The following DLG2 variants were observed in gnomAD, a reference collection of about 807,000 sequenced individuals.
The protein encoded by DLG2 is disks large homolog 2.
In DLG2, 45 loss-of-function variants were observed where a neutral mutation model predicts 132.5. The observed-to-expected ratio is 0.34, with a 90% CI of 0.27 to 0.44. The LOEUF is 0.44. Among genes scored for constraint, DLG2 ranks in the 20% least tolerant of loss-of-function variants. The probability of loss-of-function intolerance (pLI) is 1.00; values close to 1 mark genes in which losing one functional copy is unlikely to be tolerated. For missense variants in DLG2, 1,045 were observed against 1,196.9 expected (o/e 0.87, Z 1.87); for synonymous variants, 424 against 419.6 (o/e 1.01, Z -0.13).
At chr11:85,110,083 G>A (rs1026892777) in intron 6 of DLG2, among the ~76,000 whole-genome samples, 3 of 152,036 alleles carry the variant, frequency 2.0e-5, no homozygotes, top group Non-Finnish European at 4.4e-5. Flanking sequence ...GGAGCACATT[G>A]TCTCCATGGA....
At chr11:84,635,220 C>A (rs1287539587) in intron 6 of DLG2, among the ~76,000 whole-genome samples, 1 of 152,214 alleles carries the variant, frequency 6.6e-6, no homozygotes, top group Non-Finnish European at 1.5e-5. Context: ...ATGTGACCAG[C>A]TCCACTGGGC....
At chr11:84,158,499 G>A (rs2095479151) in intron 9 of DLG2, among the ~76,000 whole-genome samples, 1 of 152,170 alleles carries the variant, frequency 6.6e-6, no homozygotes. Context: ...AATATCTGTT[G>A]GACATAGGGC....
chr11:84,364,567 G>A (rs1037116395), intron 7 of DLG2, among the ~76,000 whole-genome samples: 1 of 152,152 alleles, frequency 6.6e-6, no homozygotes, highest in Admixed American at 6.5e-5. Context: ...AGTGGTGAGA[G>A]AGGACATCCC....
intron 4 of DLG2, among the ~76,000 whole-genome samples, chr11:85,229,890 A>G (rs1468784818): frequency 1.3e-5 from 2 of 152,110 alleles, no homozygotes; most frequent in African/African-American, 4.8e-5. Context: ...ACACAGGAAC[A>G]GAAAACCAAA....
chr11:84,718,737 A>G (rs1026049973), intron 6 of DLG2, among the ~76,000 whole-genome samples: 12 of 152,208 alleles, frequency 7.9e-5, no homozygotes, highest in African/African-American at 2.9e-4. Flanking sequence ...AGGAGAGTGA[A>G]TAAAAGCATG....
At chr11:85,412,815 A>G (rs1267422570) in intron 3 of DLG2, among the ~76,000 whole-genome samples, 1 of 148,946 alleles carries the variant, frequency 6.7e-6, no homozygotes, top group African/African-American at 2.5e-5. Context: ...TCATTGATGG[A>G]TGGGCATTTG....
intron 10 of DLG2, among the ~76,000 whole-genome samples, chr11:84,084,938 T>C (rs1002146730): frequency 6.6e-6 from 1 of 152,192 alleles, no homozygotes; most frequent in South Asian, 2.1e-4. Context: ...TTGTTCATAT[T>C]GTATCTGAAA....
At chr11:85,334,585 C>G (rs2081999083) in intron 3 of DLG2, among the ~76,000 whole-genome samples, 1 of 152,128 alleles carries the variant, frequency 6.6e-6, no homozygotes, top group South Asian at 2.1e-4. Flanking sequence ...AAACTTTCCT[C>G]TTAACACTGC....
At chr11:84,373,431 A>C (rs919844632) in intron 7 of DLG2, among the ~76,000 whole-genome samples, 6 of 151,802 alleles carry the variant, frequency 4.0e-5, no homozygotes, top group Non-Finnish European at 5.9e-5. Context: ...TTAGCCGGGC[A>C]TGATGGCACG....
intron 8 of DLG2, among the ~76,000 whole-genome samples, chr11:84,199,391 T>G (rs926664065): frequency 6.6e-6 from 1 of 152,070 alleles, no homozygotes; most frequent in Admixed American, 6.6e-5. Context: ...GGGAAAAACG[T>G]TTTCCTATAA....
intron 16 of DLG2, among the ~76,000 whole-genome samples, chr11:83,868,811 T>C (rs1272074886): frequency 6.6e-6 from 1 of 152,122 alleles, no homozygotes; most frequent in Non-Finnish European, 1.5e-5. Context: ...TCCCCAACAC[T>C]ACTTAGCACT....
intron 3 of DLG2, among the ~76,000 whole-genome samples, chr11:85,466,323 T>C (rs1021074417): frequency 1.6e-4 from 25 of 152,280 alleles, no homozygotes; most frequent in African/African-American, 2.6e-4. Flanking sequence ...AATTAGATCC[T>C]GTTTGTCAAT....
chr11:83,604,805 G>A (rs193001851), intron 19 of DLG2, among the ~76,000 whole-genome samples: 1 of 151,980 alleles, frequency 6.6e-6, no homozygotes, highest in Non-Finnish European at 1.5e-5. Flanking sequence ...ACCTAAAACT[G>A]CTTTAAAAAA....
chr11:84,849,485 A>G (rs2081923191), intron 6 of DLG2, among the ~76,000 whole-genome samples: 1 of 152,014 alleles, frequency 6.6e-6, no homozygotes, highest in Non-Finnish European at 1.5e-5. Context: ...CCATGCTATA[A>G]TCTAGCCATA....
At chr11:84,739,906 G>C (rs186534392) in intron 6 of DLG2, among the ~76,000 whole-genome samples, 58 of 151,846 alleles carry the variant, frequency 3.8e-4, no homozygotes, top group African/African-American at 1.3e-3. Flanking sequence ...CAGTCTCCTG[G>C]GGTCATTTTA....
chr11:83,802,635 AATAG>A (rs1438711569), intron 17 of DLG2, among the ~76,000 whole-genome samples: 2 of 152,192 alleles, frequency 1.3e-5, no homozygotes, highest in East Asian at 3.8e-4. Context: ...AAATTGATTA[AATAG>A]ATAATGAACT....
intron 6 of DLG2, chr11:84,640,278 C>T (rs1345673016): frequency 1.5e-5 from 5 of 331,540 alleles, no homozygotes; most frequent in African/African-American, 8.8e-5. Flanking sequence ...TGCACATGCT[C>T]ACTTCCCTAT....
chr11:83,621,503 T>C (rs2061636241), intron 19 of DLG2, among the ~76,000 whole-genome samples: 1 of 152,054 alleles, frequency 6.6e-6, no homozygotes, highest in African/African-American at 2.4e-5. Context: ...GCTAAATAAA[T>C]GTGAAATGAT....
chr11:83,614,444 A>T (rs12293731), intron 19 of DLG2, among the ~76,000 whole-genome samples: 9 of 152,034 alleles, frequency 5.9e-5, no homozygotes, highest in South Asian at 2.1e-4. Flanking sequence ...ACAAGCTGGG[A>T]GCGATAGATC....
Sources: allele counts gnomAD v4.1 joint callset (sites outside exome capture counted in the v4.1 genomes callset), GRCh38; gene constraint gnomAD v4.1.1; transcripts MANE v1.5; gene names NCBI Gene and HGNC (gene_info 2026-07-23, HGNC 2026-07-21).